The following SCAMP2 variants were observed in gnomAD, a reference collection of about 807,000 sequenced individuals.
SCAMP2 encodes secretory carrier-associated membrane protein 2.
SCAMP2 carries 25 observed loss-of-function variants against 44.1 expected under a neutral mutation model. The observed-to-expected ratio is 0.57, with a 90% CI of 0.41 to 0.79. SCAMP2 has a LOEUF of 0.79. SCAMP2 is among the 30% of genes least tolerant of loss of function. The probability of loss-of-function intolerance (pLI) is 0.00; values close to 1 mark genes in which losing one functional copy is unlikely to be tolerated. For missense variants in SCAMP2, 355 were observed against 411.0 expected (o/e 0.86, Z 1.18); for synonymous variants, 156 against 166.0 (o/e 0.94, Z 0.46).
At chr15:74,869,031 G>A (rs1462250889) in intron 1 of SCAMP2, among the ~76,000 whole-genome samples, 2 of 152,184 alleles carry the variant, frequency 1.3e-5, no homozygotes, top group Non-Finnish European at 2.9e-5. Context: ...GTGGGTGCCT[G>A]TAATCCTACC....
In SCAMP2 at chr15:74,850,560, G is replaced by C; in HGVS notation, c.586C>G (p.Pro196Ala). 1 of 1,614,148 alleles carries C rather than the reference G, an allele frequency of 6.2e-7. No individual in the cohort carries two copies. Among genetic ancestry groups the C allele is most frequent in the Non-Finnish European group, 8.5e-7 (1 of 1,180,014 alleles). Reference sequence around the variant, plus strand: ...CGGTACCAACAAAGGAAGGCACAGGGAGTGAAGATCAGAAACCACAGGATG... The same window carrying C: ...CGGTACCAACAAAGGAAGGCACAGGCAGTGAAGATCAGAAACCACAGGATG... ...LSILWFLIFTPCAFLCWYRPI... is the reference protein window; with the variant it reads ...LSILWFLIFTACAFLCWYRPI... The change falls in exon 6 of 9, where the codon CCC becomes GCC. Residue 196 changes from proline to alanine, a missense_variant. Transcript: ENST00000268099.
chr15:74,850,311 C>G (rs1405916325), intron 6 of SCAMP2, among the ~76,000 whole-genome samples: 1 of 152,194 alleles, frequency 6.6e-6, no homozygotes, highest in Non-Finnish European at 1.5e-5. Context: ...GGGCCCAGAG[C>G]AGACCTCAGG....
At chr15:74,864,207 G>A (rs751139736) in intron 1 of SCAMP2, among the ~76,000 whole-genome samples, 4 of 152,144 alleles carry the variant, frequency 2.6e-5, no homozygotes, top group Admixed American at 1.3e-4. Flanking sequence ...GATTACAGGT[G>A]TGTGCCACCA....
intron 1 of SCAMP2, among the ~76,000 whole-genome samples, chr15:74,863,679 G>C (rs1409321520): frequency 6.6e-6 from 1 of 152,110 alleles, no homozygotes; most frequent in Non-Finnish European, 1.5e-5. Flanking sequence ...CCCTCAAAAT[G>C]GGACACTTAC....
chr15:74,861,680 C>T (rs2064504325), intron 1 of SCAMP2, among the ~76,000 whole-genome samples: 1 of 151,754 alleles, frequency 6.6e-6, no homozygotes, highest in Admixed American at 6.6e-5. Context: ...GGGCAGATCA[C>T]GAGGTCAGGA....
At chr15:74,851,713 C>T (rs1257560873) in intron 4 of SCAMP2, among the ~76,000 whole-genome samples, 1 of 152,178 alleles carries the variant, frequency 6.6e-6, no homozygotes, top group African/African-American at 2.4e-5. Flanking sequence ...CTGGGAAATA[C>T]AGACAGCTAA....
Position 74,845,585 on chromosome 15 carries a change from A to G in SCAMP2, c.743T>C (p.Ile248Thr), listed in dbSNP as rs141057515. Residue 248 changes from isoleucine to threonine, a missense_variant, in exon 8 of 9, where the codon ATT (isoleucine) becomes ACT (threonine). By Grantham distance (89) the Ile-to-Thr change is moderately conservative. Coordinates refer to ENST00000268099, the MANE Select transcript of SCAMP2 (RefSeq NM_005697.5). ...ATTATCCAGTGTAGACAGGGCTGCAATCCAACCGCTATAAAGGGAAGAAGA... is the reference window on the plus strand; with the variant it reads ...ATTATCCAGTGTAGACAGGGCTGCAGTCCAACCGCTATAAAGGGAAGAAGA... ...GIPGLGDSGW[I>T]AALSTLDNHS... The G allele has an allele frequency of 1.2e-5, 20 of 1,613,902 alleles. No individual in the cohort carries two copies. The highest frequency in any genetic ancestry group is 1.7e-5 in the Non-Finnish European group (20 of 1,179,974).
intron 1 of SCAMP2, among the ~76,000 whole-genome samples, chr15:74,866,011 G>GAAGGA (rs1424396412): frequency 1.1e-4 from 7 of 61,636 alleles, no homozygotes; most frequent in South Asian, 7.1e-4. Context: ...AGGAAGGAAG[G>GAAGGA]AAGGAAAGGA....
rs1486851903 is a variant in SCAMP2, at chr15:74,843,873, G to T, written c.*1210C>A. Reference sequence around the variant, plus strand: ...TATCATTCAGTGGCTGGGGCCTGCGGCTGTCTCGGGCCCAGAGCCGGAGGC... The same window carrying T: ...TATCATTCAGTGGCTGGGGCCTGCGTCTGTCTCGGGCCCAGAGCCGGAGGC... On this transcript the variant is annotated 3_prime_UTR_variant, in exon 9 of 9. Transcript: ENST00000268099. 6.6e-6 allele frequency: 1 copy of T among 152,232 alleles called. No individual in the cohort carries two copies. Among genetic ancestry groups the T allele is most frequent in the African/African-American group, 2.4e-5 (1 of 41,466 alleles). 9.4% of individuals were successfully genotyped at this position (152,232 alleles called of 1,614,324 possible).
chr15:74,869,174 C>G (rs574062274), intron 1 of SCAMP2, among the ~76,000 whole-genome samples: 3 of 152,076 alleles, frequency 2.0e-5, no homozygotes, highest in South Asian at 4.2e-4. Context: ...AACAAAGAAA[C>G]AAAAACGAAA....
rs34231883 is a variant in SCAMP2 at position 74,847,086 on chromosome 15, A to ATTTTTTTTTTTTTTTTTTTTTTTTTTTTT, written c.735-1494_735-1493insAAAAAAAAAAAAAAAAAAAAAAAAAAAAA. Among the ~76,000 whole-genome samples, 5 of 109,282 alleles carry ATTTTTTTTTTTTTTTTTTTTTTTTTTTTT rather than the reference A, an allele frequency of 4.6e-5. 1 individual carries two copies. Among genetic ancestry groups the ATTTTTTTTTTTTTTTTTTTTTTTTTTTTT allele is most frequent in the Non-Finnish European group, 3.6e-5 (2 of 56,228 alleles). The allele number at this position is 109,282 out of a possible 152,430, so 71.7% of individuals were successfully genotyped here. The stretch of plus-strand genomic sequence containing the variant: ...AAACCCATACACCTATTGTCAGTTA[A>ATTTTTTTTTTTTTTTTTTTTTTTTTTTTT]TTTTTTTTTTTTTTTTTTTTTTTGA... On this transcript the variant is annotated intron_variant, in intron 7 of 8. Transcript: ENST00000268099.
intron 1 of SCAMP2, among the ~76,000 whole-genome samples, chr15:74,859,066 C>T (rs867201528): frequency 5.9e-5 from 9 of 151,938 alleles, no homozygotes; most frequent in Middle Eastern, 3.2e-3. Context: ...CCTCAGCCTC[C>T]GAAAGTGGTG....
rs1044355 is a variant in SCAMP2, at chr15:74,844,723, G to A, written c.*360C>T. 14,482 of 189,648 alleles carry A rather than the reference G, an allele frequency of 0.076. 786 individuals carry two copies. The highest frequency in any genetic ancestry group is 0.28 in the East Asian group (1,988 of 7,098). 11.7% of individuals were successfully genotyped at this position (189,648 alleles called of 1,614,324 possible). A position where few individuals can be genotyped will look rare whatever the true frequency, so the allele number is the denominator to read the frequency against. ...GGGGGAGTCAAGGCCCAGGACCCTG[G>A]CAGAAAGCTCCAGCTGGGATGGGCC... On this transcript the variant is annotated 3_prime_UTR_variant, in exon 9 of 9. Coordinates refer to ENST00000268099, the MANE Select transcript of SCAMP2 (RefSeq NM_005697.5).
At chr15:74,851,213 C>A (rs2064433234) in intron 5 of SCAMP2, 140 bp downstream of exon 5, 1 of 1,003,312 alleles carries the variant, frequency 1.0e-6, no homozygotes. Context: ...AGAGGCATCT[C>A]CCCAACCCAG....
At chr15:74,852,027 A>G in intron 4 of SCAMP2, 42 bp downstream of exon 4, 1 of 1,418,816 alleles carries the variant, frequency 7.0e-7, no homozygotes, top group African/African-American at 1.5e-5. Context: ...ACACTCTTCT[A>G]TGCCAGGCAG....
intron 1 of SCAMP2, among the ~76,000 whole-genome samples, chr15:74,862,009 T>C (rs1417869352): frequency 6.6e-6 from 1 of 150,490 alleles, no homozygotes; most frequent in African/African-American, 2.4e-5. Context: ...ATCCCAACAC[T>C]TTGGGAGGCC....
intron 1 of SCAMP2, among the ~76,000 whole-genome samples, chr15:74,855,361 C>T (rs914637100): frequency 6.6e-6 from 1 of 152,094 alleles, no homozygotes; most frequent in Admixed American, 6.5e-5. Flanking sequence ...CTCGGCCTCC[C>T]GAAGTGCTGG....
chr15:74,869,894 C>T (rs939126081), intron 1 of SCAMP2, among the ~76,000 whole-genome samples: 18 of 152,164 alleles, frequency 1.2e-4, no homozygotes, highest in African/African-American at 4.3e-4. Flanking sequence ...AAGCTGGGCT[C>T]ACACCCAGGC....
At chr15:74,853,576 T>TG in intron 3 of SCAMP2, 1 of 412,614 alleles carries the variant, frequency 2.4e-6, no homozygotes, top group Admixed American at 2.7e-5. Flanking sequence ...GGCGGCGCAG[T>TG]GGAGCACCAG....
Sources: allele counts gnomAD v4.1 joint callset (sites outside exome capture counted in the v4.1 genomes callset), GRCh38; gene constraint gnomAD v4.1.1; transcripts MANE v1.5; gene names NCBI Gene and HGNC (gene_info 2026-07-23, HGNC 2026-07-21).